The following MPP7 variants were observed in gnomAD, a reference collection of about 807,000 sequenced individuals.
MPP7 encodes the protein MAGUK p55 subfamily member 7.
MPP7 carries 60 observed loss-of-function variants against 76.5 expected under a neutral mutation model. The observed-to-expected ratio is 0.78, with a 90% CI of 0.64 to 0.97. MPP7 has a LOEUF of 0.97. MPP7 is among the 50% of genes least tolerant of loss of function. MPP7 has a pLI of 0.00. For missense variants in MPP7, 641 were observed against 694.0 expected, an observed-to-expected ratio of 0.92 and a Z score of 0.86; for synonymous variants, 237 against 244.5, an observed-to-expected ratio of 0.97 and a Z score of 0.29.
Position 28,062,281 on chromosome 10 carries a change from C to A in MPP7, c.1205-2538G>T, listed in dbSNP as rs181850142. On this transcript the variant is annotated intron_variant, in intron 13 of 16. Transcript: ENST00000683449. ...GGTTTCTGTATTTTATGTGAAATGA[C>A]ACCAAGTTAAACTGCAAGCAGGTCA... Among the ~76,000 whole-genome samples the A allele has an allele frequency of 2.7e-3, 415 of 152,042 alleles. 1 individual carries two copies. The highest frequency in any genetic ancestry group is 9.7e-3 in the African/African-American group (402 of 41,484).
intron 3 of MPP7, among the ~76,000 whole-genome samples, chr10:28,189,305 G>A (rs577606613): frequency 1.3e-5 from 2 of 152,258 alleles, no homozygotes; most frequent in Admixed American, 1.3e-4. Flanking sequence ...GCTTATGCCT[G>A]TAATCCCAGC....
chr10:28,074,015 G>C (rs569710281), intron 12 of MPP7, among the ~76,000 whole-genome samples: 2 of 152,066 alleles, frequency 1.3e-5, no homozygotes, highest in African/African-American at 2.4e-5. Context: ...ATCATAATCA[G>C]ACAACTAGCC....
chr10:28,327,231 TAAAAAAAA>T (rs59442840), intron 2 of MPP7, among the ~76,000 whole-genome samples: 99 of 95,738 alleles, frequency 1.0e-3, no homozygotes, highest in African/African-American at 2.3e-3. Context: ...GTCAAAGAAG[TAAAAAAAA>T]AAAAAAAAAA....
chr10:28,324,828 TAGG>T (rs1186482323), intron 2 of MPP7, among the ~76,000 whole-genome samples: 1 of 152,190 alleles, frequency 6.6e-6, no homozygotes, highest in Non-Finnish European at 1.5e-5. Context: ...CTATAAATCC[TAGG>T]AGATCAGTTA....
At position 28,242,499 on chromosome 10, in the gene MPP7, A is replaced by G. The variant is rs1839303602; in HGVS notation, c.-131-3764T>C. ...AATTGTAAGAATAAAAGGAGGCAAC[A>G]TATACTAAGTGGCAGACATCTGCTT... On this transcript the variant is annotated intron_variant, in intron 1 of 16. Coordinates refer to ENST00000683449, the MANE Select transcript of MPP7 (RefSeq NM_001318170.2). Among the ~76,000 whole-genome samples the G allele has an allele frequency of 2.6e-5, 4 of 152,348 alleles. No individual in the cohort carries two copies. In the South Asian group the frequency reaches 8.3e-4, roughly 32 times the overall value.
chr10:28,059,051 C>T (rs753686277), intron 14 of MPP7, among the ~76,000 whole-genome samples: 3 of 152,110 alleles, frequency 2.0e-5, no homozygotes, highest in Non-Finnish European at 2.9e-5. Flanking sequence ...ACAATCACTG[C>T]GCCAAACACG....
intron 1 of MPP7, among the ~76,000 whole-genome samples, chr10:28,243,250 A>T (rs182947992): frequency 5.9e-5 from 9 of 152,276 alleles, no homozygotes; most frequent in Admixed American, 4.6e-4. Context: ...TCAGAATTTT[A>T]AAAACTTGCA....
chr10:28,061,646 T>TA (rs766282064), intron 13 of MPP7, among the ~76,000 whole-genome samples: 75 of 152,250 alleles, frequency 4.9e-4, no homozygotes, highest in Non-Finnish European at 1.1e-3. Context: ...CCCAAACTTC[T>TA]ATAATTTGGT....
intron 3 of MPP7, among the ~76,000 whole-genome samples, chr10:28,163,273 A>T (rs1225702104): frequency 6.6e-6 from 1 of 152,060 alleles, no homozygotes; most frequent in African/African-American, 2.4e-5. Context: ...GCCTTTCCCA[A>T]CTTAGGGACT....
chr10:28,275,493 G>A (rs1840466199), intron 1 of MPP7, among the ~76,000 whole-genome samples: 1 of 149,430 alleles, frequency 6.7e-6, no homozygotes, highest in Non-Finnish European at 1.5e-5. Context: ...TGCAACCTCC[G>A]CCTCCTGGGC....
In MPP7 at chr10:28,137,926, C is replaced by A. The variant is rs1293063667; in HGVS notation, c.316-6235G>T. Among the ~76,000 whole-genome samples, 6 of 152,286 alleles carry A rather than the reference C, an allele frequency of 3.9e-5. 1 individual carries two copies. The highest frequency in any genetic ancestry group is 8.8e-5 in the Non-Finnish European group (6 of 68,020). ...TTATGTTCTAAGTATCTGTCAGGTT[C>A]ACAGAATTAAGTGTCTAGCTTATAA... is the stretch of plus-strand genomic sequence containing the variant. On this transcript the variant is annotated intron_variant, in intron 5 of 16. Transcript: ENST00000683449.
At chr10:28,080,332 C>T (rs1370083313) in intron 12 of MPP7, among the ~76,000 whole-genome samples, 1 of 152,048 alleles carries the variant, frequency 6.6e-6, no homozygotes, top group Non-Finnish European at 1.5e-5. Context: ...CTGAGTGTTC[C>T]GTGGCTAAGT....
intron 1 of MPP7, among the ~76,000 whole-genome samples, chr10:28,300,690 G>A (rs536977633): frequency 6.6e-6 from 1 of 152,128 alleles, no homozygotes; most frequent in Admixed American, 6.5e-5. Flanking sequence ...AATGGCTCAC[G>A]CCTGTAATCC....
intron 3 of MPP7, among the ~76,000 whole-genome samples, chr10:28,170,491 G>T (rs867494015): frequency 8.1e-4 from 123 of 151,384 alleles, no homozygotes; most frequent in African/African-American, 2.8e-3. Context: ...CTTTATCATC[G>T]CTGCCTGGAT....
chr10:28,086,136 C>T (rs117033806), intron 12 of MPP7, among the ~76,000 whole-genome samples: 1,616 of 151,820 alleles, frequency 0.011, 39 homozygotes, highest in East Asian at 0.094. Context: ...TCAGGGCCTG[C>T]GGGGTGGGGG....
At chr10:28,296,634 A>C (rs1470755081) in intron 1 of MPP7, among the ~76,000 whole-genome samples, 1 of 152,220 alleles carries the variant, frequency 6.6e-6, no homozygotes, top group East Asian at 1.9e-4. Context: ...TCAGTAATAA[A>C]CAAGCCTGAC....
intron 11 of MPP7, among the ~76,000 whole-genome samples, chr10:28,108,574 T>A (rs1834399027): frequency 6.6e-6 from 1 of 151,962 alleles, no homozygotes; most frequent in Admixed American, 6.6e-5. Context: ...GGAGGATGGT[T>A]TGAGCCTGGG....
chr10:28,316,396 C>T (rs965196061), intron 2 of MPP7, among the ~76,000 whole-genome samples: 2 of 124,504 alleles, frequency 1.6e-5, no homozygotes, highest in Non-Finnish European at 3.1e-5. Flanking sequence ...GATCGTGCCA[C>T]TGCACTCCAG....
chr10:28,312,770 T>C (rs1029436126), intron 2 of MPP7, among the ~76,000 whole-genome samples: 7 of 152,218 alleles, frequency 4.6e-5, no homozygotes, highest in Non-Finnish European at 8.8e-5. Flanking sequence ...CAAGGGAGCA[T>C]CGCAAGCAAA....
Sources: gnomAD v4.1 joint callset for allele counts (sites outside exome capture counted in the v4.1 genomes callset) on GRCh38, gnomAD v4.1.1 for gene constraint, MANE v1.5 for transcripts, NCBI Gene and HGNC (gene_info 2026-07-23, HGNC 2026-07-21) for gene names.